Variants in TOPAZ1 observed in about 807,000 individuals in gnomAD.
The protein encoded by TOPAZ1 is protein TOPAZ1.
Under a neutral mutation model 172.2 loss-of-function variants are expected in TOPAZ1, and 66 were observed. The observed-to-expected ratio is 0.38, with a 90% confidence interval of 0.31 to 0.47. The LOEUF is 0.47. Among genes scored for constraint, TOPAZ1 ranks in the 20% least tolerant of loss-of-function variants. TOPAZ1 has a pLI of 0.99. For synonymous variants in TOPAZ1, 681 were observed against 683.9 expected, an observed-to-expected ratio of 1.00 and a Z score of 0.07; for missense variants, 1,822 against 1,972.4, an observed-to-expected ratio of 0.92 and a Z score of 1.44.
chr3:44,243,259 A>G lies in TOPAZ1; in HGVS notation c.753A>G (p.Gly251=), dbSNP rs1194716086. 2.6e-6 allele frequency: 4 copies of G among 1,551,540 alleles called. No individual in the cohort carries two copies. The highest frequency in any genetic ancestry group is 3.5e-6 in the Non-Finnish European group (4 of 1,146,936). Residue 251 remains glycine, a synonymous_variant, in exon 2 of 20, where the codon GGA becomes GGG. Transcript: ENST00000309765. ...ENNLPYKPDG[G]CMHVAENFSK... is the part of the protein sequence containing the mutation. ...ACCTGCCATATAAACCTGATGGTGG[A>G]TGTATGCATGTAGCAGAAAATTTCT... is the stretch of plus-strand genomic sequence containing the variant.
chr3:44,298,934 T>C (rs982613416), intron 12 of TOPAZ1, among the ~76,000 whole-genome samples: 811 of 53,290 alleles, frequency 0.015, 62 homozygotes, highest in Middle Eastern at 0.057. Context: ...TTTTTTTTTT[T>C]CCCCCTGAGA....
At position 44,328,349 on chromosome 3, in the gene TOPAZ1, C is replaced by G; in HGVS notation, c.4775C>G (p.Ala1592Gly). The G allele has an allele frequency of 6.6e-7, 1 of 1,521,594 alleles. No homozygotes were observed. The highest frequency in any genetic ancestry group is 1.7e-4 in the Middle Eastern group (1 of 5,932). 94.3% of individuals were successfully genotyped at this position (1,521,594 alleles called of 1,614,324 possible). ...TTATCTGAGATTGAAATGCTCTTAG[C>G]TATTGAAATCTTCATGGTATCTAAT... The part of the protein sequence containing the change: ...SYLSEIEMLL[A>G]IEIFMVSNAS... The change falls in exon 19 of 20, where the codon GCT (alanine) becomes GGT (glycine). Residue 1592 changes from alanine to glycine, a missense_variant. Around this residue, in one of 2 missense-constraint regions of TOPAZ1, gnomAD observed 333 missense variants for 481.7 expected, o/e 0.69. Transcript: ENST00000309765.
At chr3:44,267,235 T>C (rs1699840092) in intron 6 of TOPAZ1, 99 bp downstream of exon 6, 6 of 982,458 alleles carry the variant, frequency 6.1e-6, no homozygotes, top group Non-Finnish European at 7.1e-6. Context: ...AAAAGAAAAA[T>C]GGAATCATGT....
intron 16 of TOPAZ1, among the ~76,000 whole-genome samples, chr3:44,312,773 C>A (rs1700409863): frequency 6.6e-6 from 1 of 152,136 alleles, no homozygotes; most frequent in South Asian, 2.1e-4. Flanking sequence ...AAATAAGTAT[C>A]TTAGTTCTCT....
At chr3:44,279,700 C>G (rs1260327415) in intron 8 of TOPAZ1, among the ~76,000 whole-genome samples, 1 of 151,980 alleles carries the variant, frequency 6.6e-6, no homozygotes, top group Admixed American at 6.6e-5. Flanking sequence ...CTATATGTGT[C>G]TTTACAGGTG....
At chr3:44,284,153 A>T (rs1180803172) in intron 9 of TOPAZ1, among the ~76,000 whole-genome samples, 1 of 152,166 alleles carries the variant, frequency 6.6e-6, no homozygotes, top group Non-Finnish European at 1.5e-5. Flanking sequence ...AAACATTTTT[A>T]AGTGTACGAT....
At chr3:44,257,221 G>A (rs1699715384) in intron 4 of TOPAZ1, among the ~76,000 whole-genome samples, 2 of 151,576 alleles carry the variant, frequency 1.3e-5, no homozygotes, top group Non-Finnish European at 2.9e-5. Flanking sequence ...TGTAGTCCCA[G>A]CTACTTGGCG....
At chr3:44,334,190 G>C (rs978163717), downstream of TOPAZ1, among the ~76,000 whole-genome samples, 15 of 152,194 alleles carry the variant, frequency 9.9e-5, no homozygotes, top group African/African-American at 3.4e-4. Flanking sequence ...TTTGCCTGCA[G>C]ATAGTCTGCT....
intron 16 of TOPAZ1, among the ~76,000 whole-genome samples, chr3:44,318,546 C>A (rs967541067): frequency 6.6e-6 from 1 of 151,786 alleles, no homozygotes; most frequent in Non-Finnish European, 1.5e-5. Context: ...AGGCTTAGTC[C>A]CAACAACTCA....
At chr3:44,300,994 A>C (rs1700266470) in intron 12 of TOPAZ1, among the ~76,000 whole-genome samples, 1 of 152,208 alleles carries the variant, frequency 6.6e-6, no homozygotes, top group Non-Finnish European at 1.5e-5. Flanking sequence ...TCTCAAGGGA[A>C]TTGTGTTGAA....
At chr3:44,306,458 A>G in intron 15 of TOPAZ1, 32 bp downstream of exon 15, 2 of 1,272,400 alleles carry the variant, frequency 1.6e-6, no homozygotes, top group Middle Eastern at 1.9e-4. Context: ...TTGGCTTGGT[A>G]TAGAGACTAC....
chr3:44,242,115 A>T lies in TOPAZ1; in HGVS notation c.62A>T (p.Asn21Ile). 6.5e-7 allele frequency: 1 copy of T among 1,548,642 alleles called. No homozygotes were observed. Among genetic ancestry groups the T allele is most frequent in the Non-Finnish European group, 8.7e-7 (1 of 1,146,520 alleles). Residue 21 changes from asparagine (N) to isoleucine (I), a missense_variant, in exon 1 of 20, where the codon AAC becomes ATC. Physicochemically the swap from Asn to Ile is moderately radical, Grantham distance 149. Coordinates refer to ENST00000309765, the MANE Select transcript of TOPAZ1 (RefSeq NM_001145030.2). ...TASGPEGNVR[N>I]LQKRQAPGPG... ...TCAGGGCCTGAAGGCAATGTGCGAA[A>T]CCTGCAGAAGCGGCAGGCGCCAGGG...
At chr3:44,320,925 T>G in intron 16 of TOPAZ1, 102 bp from the exon 17 acceptor site, 1 of 743,234 alleles carries the variant, frequency 1.3e-6, no homozygotes, top group Non-Finnish European at 2.1e-6. Context: ...TGTTTAAGTT[T>G]TGCCTGTTTC....
chr3:44,242,432 C>A, intron 1 of TOPAZ1, 33 bp downstream of exon 1: 2 of 1,544,820 alleles, frequency 1.3e-6, no homozygotes, highest in South Asian at 1.2e-5. Flanking sequence ...TTACCTTTAG[C>A]CCTTGTACCT....
intron 18 of TOPAZ1, among the ~76,000 whole-genome samples, chr3:44,327,406 A>G (rs1476018327): frequency 6.6e-6 from 1 of 152,190 alleles, no homozygotes; most frequent in Non-Finnish European, 1.5e-5. Flanking sequence ...GTATTTCCCT[A>G]TATATCTCTC....
chr3:44,256,735 G>C (rs1029212584), intron 4 of TOPAZ1, among the ~76,000 whole-genome samples: 4 of 152,058 alleles, frequency 2.6e-5, no homozygotes, highest in African/African-American at 7.2e-5. Context: ...ACCATGGTAG[G>C]CTTCAAAGTA....
At chr3:44,330,817 T>G (rs1700659302) in intron 19 of TOPAZ1, among the ~76,000 whole-genome samples, 1 of 152,200 alleles carries the variant, frequency 6.6e-6, no homozygotes. Context: ...AAAACTGACA[T>G]ACCGTGTGAA....
rs762865769 is a variant in TOPAZ1 at position 44,276,624 on chromosome 3, C to CTTTTTTTTTTTT, written c.3373-5326_3373-5315dup. On this transcript the variant is annotated intron_variant, in intron 8 of 19. Coordinates refer to ENST00000309765, the MANE Select transcript of TOPAZ1 (RefSeq NM_001145030.2). Reference sequence around the variant, plus strand: ...GTAGTTTAATGCCTCCAGCTTTGTTCTTTTTTTTTTTTTTTTTTTTTTTTT... The same window carrying CTTTTTTTTTTTT: ...GTAGTTTAATGCCTCCAGCTTTGTTCTTTTTTTTTTTTTTTTTTTTTTTTTTTTTTTTTTTTT... Among the ~76,000 whole-genome samples the CTTTTTTTTTTTT allele has an allele frequency of 2.7e-3, 66 of 24,108 alleles. 19 individuals carry two copies. Among genetic ancestry groups the CTTTTTTTTTTTT allele is most frequent in the Non-Finnish European group, 3.5e-3 (44 of 12,618 alleles). 15.8% of individuals were successfully genotyped at this position (24,108 alleles called of 152,430 possible). A position where few individuals can be genotyped will look rare whatever the true frequency, so the allele number is the denominator to read the frequency against.
At chr3:44,315,627 CT>C (rs1407199790) in intron 16 of TOPAZ1, among the ~76,000 whole-genome samples, 1 of 151,648 alleles carries the variant, frequency 6.6e-6, no homozygotes, top group Non-Finnish European at 1.5e-5. Context: ...CCACCTTGGC[CT>C]CCCAAAGTGC....
Sources: gnomAD v4.1 joint callset for allele counts (sites outside exome capture counted in the v4.1 genomes callset) on GRCh38, gnomAD v4.1.1 for gene constraint, gnomAD v4.1.1 regional missense constraint, MANE v1.5 for transcripts, NCBI Gene and HGNC (gene_info 2026-07-23, HGNC 2026-07-21) for gene names.